Variants in CACNA2D3 observed in about 807,000 individuals in gnomAD.
The protein encoded by CACNA2D3 is voltage-dependent calcium channel subunit alpha-2/delta-3.
In CACNA2D3, 60 loss-of-function variants were observed where a neutral mutation model predicts 160.6. The observed-to-expected ratio is 0.37, with a 90% CI of 0.30 to 0.46. CACNA2D3 has a LOEUF of 0.46. Ranked by LOEUF, CACNA2D3 falls within the 20% of genes least tolerant of loss-of-function variation. The pLI is 1.00. For synonymous variants in CACNA2D3, 558 were observed against 492.9 expected (o/e 1.13, Z -1.75); for missense variants, 1,205 against 1,365.0 (o/e 0.88, Z 1.85).
chr3:54,672,230 G>C (rs1248104769), intron 11 of CACNA2D3, among the ~76,000 whole-genome samples: 1 of 152,130 alleles, frequency 6.6e-6, no homozygotes, highest in Non-Finnish European at 1.5e-5. Flanking sequence ...TGGACCAAGC[G>C]GTGCTTTTAT....
intron 2 of CACNA2D3, among the ~76,000 whole-genome samples, chr3:54,258,453 G>T (rs1440776679): frequency 1.3e-5 from 2 of 152,328 alleles, no homozygotes; most frequent in Non-Finnish European, 2.9e-5. Flanking sequence ...GTCAGATAGT[G>T]TTAGGGATGG....
rs185288251 is a variant in CACNA2D3, at chr3:54,165,372, G to A, written c.204+41778G>A. On this transcript the variant is annotated intron_variant, in intron 2 of 37. Coordinates refer to ENST00000474759, the MANE Select transcript of CACNA2D3 (RefSeq NM_018398.3). ...TACCCTAAACTTCACTCCTGCTCTG[G>A]TGTCCTGTGTGGGTGGAAAAGTGAG... is the stretch of plus-strand genomic sequence containing the variant. Among the ~76,000 whole-genome samples, 8 of 152,050 alleles carry A rather than the reference G, an allele frequency of 5.3e-5. 1 individual carries two copies. Among genetic ancestry groups the A allele is most frequent in the African/African-American group, 1.9e-4 (8 of 41,478 alleles).
Position 54,768,253 on chromosome 3 carries a change from G to A in CACNA2D3, c.1380+3902G>A, listed in dbSNP as rs146933575. The stretch of plus-strand genomic sequence containing the variant: ...GATGAATCTCAGCAACATCTTGAGC[G>A]GGTCCTCAAAATTAGCACCACCAAT... On this transcript the variant is annotated intron_variant, in intron 13 of 37. Transcript: ENST00000474759. Among the ~76,000 whole-genome samples, 6 of 152,212 alleles carry A rather than the reference G, an allele frequency of 3.9e-5. No individual in the cohort carries two copies. The East Asian group carries it at 7.7e-4, about 20-fold the overall frequency.
chr3:54,185,446 A>T (rs963552124), intron 2 of CACNA2D3, among the ~76,000 whole-genome samples: 2 of 152,198 alleles, frequency 1.3e-5, no homozygotes, highest in Admixed American at 1.3e-4. Flanking sequence ...TCTCAAACTT[A>T]TTTAAGATCC....
chr3:54,796,866 A>T (rs1368399696), intron 13 of CACNA2D3, among the ~76,000 whole-genome samples: 1 of 152,104 alleles, frequency 6.6e-6, no homozygotes, highest in Non-Finnish European at 1.5e-5. Context: ...CTTTCAGTTT[A>T]CATAGAGATA....
intron 5 of CACNA2D3, among the ~76,000 whole-genome samples, chr3:54,529,142 A>G (rs756647479): frequency 3.3e-5 from 5 of 152,244 alleles, no homozygotes; most frequent in Non-Finnish European, 7.3e-5. Flanking sequence ...CCATGATGGT[A>G]TACCATGATG....
chr3:54,804,764 C>T (rs1376906844), intron 13 of CACNA2D3, among the ~76,000 whole-genome samples: 1 of 152,190 alleles, frequency 6.6e-6, no homozygotes, highest in African/African-American at 2.4e-5. Flanking sequence ...TGCAGCACCA[C>T]ACCACACCTA....
intron 2 of CACNA2D3, among the ~76,000 whole-genome samples, chr3:54,139,685 C>T (rs1699883984): frequency 1.3e-5 from 2 of 152,168 alleles, no homozygotes; most frequent in Non-Finnish European, 2.9e-5. Context: ...TTTCCCTGAT[C>T]CACCCTCCCT....
chr3:54,965,587 T>C (rs1702129805), intron 27 of CACNA2D3, among the ~76,000 whole-genome samples: 1 of 152,198 alleles, frequency 6.6e-6, no homozygotes, highest in African/African-American at 2.4e-5. Flanking sequence ...GTACCCAGTG[T>C]AGAGCTTAGT....
intron 2 of CACNA2D3, among the ~76,000 whole-genome samples, chr3:54,206,278 T>C (rs946244692): frequency 6.6e-6 from 1 of 152,202 alleles, no homozygotes; most frequent in Admixed American, 6.5e-5. Flanking sequence ...CTGAGGGTCC[T>C]GAGGCTATGA....
intron 16 of CACNA2D3, among the ~76,000 whole-genome samples, chr3:54,845,708 A>G (rs1575508204): frequency 6.6e-6 from 1 of 152,350 alleles, no homozygotes; most frequent in South Asian, 2.1e-4. Flanking sequence ...CTCACAAACT[A>G]TTTCCCATAG....
intron 11 of CACNA2D3, among the ~76,000 whole-genome samples, chr3:54,719,099 A>G (rs557624210): frequency 1.3e-5 from 2 of 149,498 alleles, no homozygotes; most frequent in African/African-American, 4.9e-5. Context: ...AGTGTCTGCT[A>G]TATTTCTACT....
At chr3:54,869,856 C>T (rs557134898) in intron 17 of CACNA2D3, among the ~76,000 whole-genome samples, 18 of 152,366 alleles carry the variant, frequency 1.2e-4, no homozygotes, top group African/African-American at 4.3e-4. Flanking sequence ...CTTTCCTTAA[C>T]AAGATCCAAC....
intron 16 of CACNA2D3, among the ~76,000 whole-genome samples, chr3:54,840,949 C>T (rs1338876566): frequency 1.3e-5 from 2 of 151,836 alleles, no homozygotes; most frequent in Non-Finnish European, 2.9e-5. Context: ...GTCTCGACCT[C>T]CTGACCTCAT....
chr3:54,171,213 C>G (rs565086543), intron 2 of CACNA2D3, among the ~76,000 whole-genome samples: 2 of 128,688 alleles, frequency 1.6e-5, no homozygotes, highest in Non-Finnish European at 3.1e-5. Flanking sequence ...CATGAGGCAT[C>G]AGTTACTTTG....
At chr3:54,487,755 G>A (rs1332585298) in intron 4 of CACNA2D3, among the ~76,000 whole-genome samples, 1 of 152,230 alleles carries the variant, frequency 6.6e-6, no homozygotes, top group Non-Finnish European at 1.5e-5. Context: ...GTAGCCACAA[G>A]CCATGGGTGG....
At chr3:54,183,424 C>A (rs899264733) in intron 2 of CACNA2D3, among the ~76,000 whole-genome samples, 12 of 152,046 alleles carry the variant, frequency 7.9e-5, no homozygotes, top group African/African-American at 2.2e-4. Context: ...TGTCACATAG[C>A]TGATTGGTGG....
chr3:54,373,231 A>G (rs1575420817), intron 3 of CACNA2D3, among the ~76,000 whole-genome samples: 1 of 152,188 alleles, frequency 6.6e-6, no homozygotes, highest in African/African-American at 2.4e-5. Flanking sequence ...AGTCAGGGCA[A>G]TAGTCTTATT....
intron 13 of CACNA2D3, among the ~76,000 whole-genome samples, chr3:54,789,533 G>T (rs1702706771): frequency 6.6e-6 from 1 of 152,054 alleles, no homozygotes; most frequent in Non-Finnish European, 1.5e-5. Context: ...TCAGATCTGT[G>T]TGCACTACCA....
Sources: allele counts gnomAD v4.1 joint callset (sites outside exome capture counted in the v4.1 genomes callset), GRCh38; gene constraint gnomAD v4.1.1; transcripts MANE v1.5; gene names NCBI Gene and HGNC (gene_info 2026-07-23, HGNC 2026-07-21).